The following TMEM170B variants were observed in gnomAD, a reference collection of about 807,000 sequenced individuals.
TMEM170B encodes transmembrane protein 170B.
TMEM170B carries 6 observed loss-of-function variants against 13.0 expected under a neutral mutation model. The ratio of observed to expected loss-of-function variants is 0.46; its 90% confidence interval spans 0.25 to 0.91. The LOEUF is 0.91. Ranked by LOEUF, TMEM170B falls within the 40% of genes least tolerant of loss-of-function variation. The pLI is 0.17. For missense variants in TMEM170B, 138 were observed against 165.2 expected, an observed-to-expected ratio of 0.84 and a Z score of 0.90; for synonymous variants, 61 against 64.9, an observed-to-expected ratio of 0.94 and a Z score of 0.29.
Position 11,580,067 on chromosome 6 carries a change from T to C in TMEM170B, c.*4506T>C, listed in dbSNP as rs1377395476. On this transcript the variant is annotated 3_prime_UTR_variant, in exon 3 of 3. Transcript: ENST00000379426. Reference sequence around the variant, plus strand: ...TTCGCTCTTGTTGCCCAGGCTGCAGTGCAATGGCATGATCTCAGCTCACCG... The same window carrying C: ...TTCGCTCTTGTTGCCCAGGCTGCAGCGCAATGGCATGATCTCAGCTCACCG... 1 of 153,860 alleles carries C rather than the reference T, an allele frequency of 6.5e-6. No homozygotes were observed. The highest frequency in any genetic ancestry group is 1.4e-5 in the Non-Finnish European group (1 of 69,394). 9.5% of individuals were successfully genotyped at this position (153,860 alleles called of 1,614,324 possible).
intron 1 of TMEM170B, 88 bp downstream of exon 1, chr6:11,538,462 G>C: frequency 3.0e-6 from 3 of 1,008,844 alleles, no homozygotes; most frequent in Non-Finnish European, 4.2e-6. Context: ...GCTCCTCGCC[G>C]CCCCACCCCC....
intron 2 of TMEM170B, among the ~76,000 whole-genome samples, chr6:11,571,761 TTAAAA>T (rs1339644536): frequency 6.6e-6 from 1 of 152,150 alleles, no homozygotes; most frequent in Admixed American, 6.6e-5. Flanking sequence ...AAGATATTTG[TTAAAA>T]TAATATATAA....
At chr6:11,546,324 T>C (rs1175597593) in intron 1 of TMEM170B, among the ~76,000 whole-genome samples, 1 of 152,174 alleles carries the variant, frequency 6.6e-6, no homozygotes, top group Non-Finnish European at 1.5e-5. Context: ...GTACAATGTA[T>C]TTGTGTTTTA....
chr6:11,573,788 C>A (rs1330277305), intron 2 of TMEM170B, among the ~76,000 whole-genome samples: 1 of 152,038 alleles, frequency 6.6e-6, no homozygotes, highest in Non-Finnish European at 1.5e-5. Context: ...TCATATAAAT[C>A]TAGGATGAAT....
At chr6:11,548,911 CT>C (rs1161468761) in intron 1 of TMEM170B, among the ~76,000 whole-genome samples, 1 of 124,922 alleles carries the variant, frequency 8.0e-6, no homozygotes, top group Non-Finnish European at 1.6e-5. Context: ...ACATCACACA[CT>C]GGGGTCTGTC....
intron 1 of TMEM170B, among the ~76,000 whole-genome samples, chr6:11,545,827 G>C (rs1759431438): frequency 7.7e-6 from 1 of 130,298 alleles, no homozygotes; most frequent in African/African-American, 2.9e-5. Flanking sequence ...CTAACATGGT[G>C]AAACCCTGTG....
At chr6:11,558,358 G>C (rs1382678057) in intron 1 of TMEM170B, among the ~76,000 whole-genome samples, 1 of 152,062 alleles carries the variant, frequency 6.6e-6, no homozygotes, top group East Asian at 1.9e-4. Context: ...GTCAAACCCA[G>C]AATTCTTGCA....
At position 11,577,803 on chromosome 6, in the gene TMEM170B, G is replaced by A. The variant is rs1437936444; in HGVS notation, c.*2242G>A. 1 of 152,004 alleles carries A rather than the reference G, an allele frequency of 6.6e-6. No individual in the cohort carries two copies. The highest frequency in any genetic ancestry group is 1.5e-5 in the Non-Finnish European group (1 of 67,944). The allele number at this position is 152,004 out of a possible 1,614,324, so 9.4% of individuals were successfully genotyped here. On this transcript the variant is annotated 3_prime_UTR_variant, in exon 3 of 3. Coordinates refer to ENST00000379426, the MANE Select transcript of TMEM170B (RefSeq NM_001100829.3). ...CAAGTTGCTTTACATTATCAATTGT[G>A]TGTGTATGTGTATACTTTTAATTTT...
intron 2 of TMEM170B, among the ~76,000 whole-genome samples, chr6:11,572,164 G>T (rs774939350): frequency 3.3e-5 from 5 of 152,146 alleles, no homozygotes; most frequent in Non-Finnish European, 7.4e-5. Flanking sequence ...GGTTTTACCC[G>T]TGGGTCATGG....
rs571051249 is a variant in TMEM170B at position 11,562,077 on chromosome 6, G to A, written c.98-3589G>A. Among the ~76,000 whole-genome samples the A allele has an allele frequency of 3.3e-5, 5 of 152,124 alleles. No individual in the cohort carries two copies. The South Asian group carries it at 1.0e-3, about 32-fold the overall frequency. On this transcript the variant is annotated intron_variant, in intron 1 of 2. Transcript: ENST00000379426. ...GGCGTGAGGTACAAGGCGGATTGTTGACTTTTGTATTGAAGAGCCTGTGGT... is the reference window on the plus strand; with the variant it reads ...GGCGTGAGGTACAAGGCGGATTGTTAACTTTTGTATTGAAGAGCCTGTGGT...
intron 2 of TMEM170B, among the ~76,000 whole-genome samples, chr6:11,571,792 A>G (rs983753908): frequency 6.6e-5 from 10 of 152,200 alleles, no homozygotes; most frequent in Non-Finnish European, 1.5e-4. Context: ...TATAATTGTA[A>G]AAAGATTAAT....
chr6:11,573,465 AC>A (rs1759831334), intron 2 of TMEM170B, among the ~76,000 whole-genome samples: 4 of 152,168 alleles, frequency 2.6e-5, no homozygotes, highest in Non-Finnish European at 5.9e-5. Flanking sequence ...TAAGCACTTG[AC>A]AAGTGTCATC....
At chr6:11,574,734 G>A (rs1383126851) in intron 2 of TMEM170B, among the ~76,000 whole-genome samples, 1 of 152,052 alleles carries the variant, frequency 6.6e-6, no homozygotes, top group East Asian at 1.9e-4. Context: ...TGAGCACTGA[G>A]GTTCCTCATA....
At chr6:11,561,987 A>G (rs1020321805) in intron 1 of TMEM170B, among the ~76,000 whole-genome samples, 4 of 152,198 alleles carry the variant, frequency 2.6e-5, no homozygotes, top group African/African-American at 7.2e-5. Flanking sequence ...TCCTGTTCAC[A>G]GTGTTAAATA....
In TMEM170B at chr6:11,538,336, G is replaced by C. The variant is rs778383870; in HGVS notation, c.59G>C (p.Ser20Thr). Residue 20 changes from serine to threonine, a missense_variant, in exon 1 of 3, where the codon AGC becomes ACC. Transcript: ENST00000379426. ...AACCTGTCGGTGCAGCAGGTCCTGAGCCTCTGGGCCCACGGGACGGTGCTG... is the reference window on the plus strand; with the variant it reads ...AACCTGTCGGTGCAGCAGGTCCTGACCCTCTGGGCCCACGGGACGGTGCTG... ...MINLSVQQVL[S>T]LWAHGTVLRN... The C allele has an allele frequency of 1.3e-6, 2 of 1,508,560 alleles. No individual in the cohort carries two copies. Among genetic ancestry groups the C allele is most frequent in the African/African-American group, 2.9e-5 (2 of 69,520 alleles). 93.4% of individuals were successfully genotyped at this position (1,508,560 alleles called of 1,614,324 possible).
chr6:11,573,345 A>T (rs905153348), intron 2 of TMEM170B, among the ~76,000 whole-genome samples: 4 of 152,144 alleles, frequency 2.6e-5, no homozygotes, highest in African/African-American at 9.7e-5. Context: ...AGTCATTCCA[A>T]CACCATTTAT....
chr6:11,556,849 C>T (rs1229195307), intron 1 of TMEM170B, among the ~76,000 whole-genome samples: 1 of 152,100 alleles, frequency 6.6e-6, no homozygotes, highest in African/African-American at 2.4e-5. Flanking sequence ...AAGGGTTTTG[C>T]CTTGAATAAG....
intron 2 of TMEM170B, among the ~76,000 whole-genome samples, chr6:11,566,636 A>G (rs1759736259): frequency 6.6e-6 from 1 of 152,214 alleles, no homozygotes; most frequent in South Asian, 2.1e-4. Context: ...GCTTTAGAGC[A>G]GGAAAGAAAG....
chr6:11,556,630 T>C (rs1000664604), intron 1 of TMEM170B, among the ~76,000 whole-genome samples: 1 of 152,146 alleles, frequency 6.6e-6, no homozygotes, highest in Non-Finnish European at 1.5e-5. Flanking sequence ...AAACTCTTCT[T>C]ACATTTGTGA....
Sources: gnomAD v4.1 joint callset for allele counts (sites outside exome capture counted in the v4.1 genomes callset) on GRCh38, gnomAD v4.1.1 for gene constraint, MANE v1.5 for transcripts, NCBI Gene and HGNC (gene_info 2026-07-23, HGNC 2026-07-21) for gene names.